The following ZXDC variants were observed in gnomAD, a reference collection of about 807,000 sequenced individuals.
ZXDC encodes the protein zinc finger protein ZXDC.
ZXDC carries 58 observed loss-of-function variants against 63.6 expected under a neutral mutation model. That is an observed-to-expected ratio of 0.91 (90% CI 0.74 to 1.13). ZXDC has a LOEUF of 1.13. Ranked by LOEUF, ZXDC falls within the 50% of genes most tolerant of loss-of-function variation. ZXDC has a pLI of 0.00. For missense variants in ZXDC, 1,133 were observed against 1,148.9 expected (o/e 0.99, Z 0.20); for synonymous variants, 561 against 496.1 (o/e 1.13, Z -1.74).
chr3:126,475,789 C>A lies in ZXDC; in HGVS notation c.77G>T (p.Arg26Leu). The A allele has an allele frequency of 1.8e-6, 2 of 1,108,970 alleles. No individual in the cohort carries two copies. 68.7% of individuals were successfully genotyped at this position (1,108,970 alleles called of 1,614,324 possible). The change falls in exon 1 of 10, where the codon CGA (arginine) becomes CTA (leucine). Residue 26 changes from arginine to leucine, a missense_variant. Transcript: ENST00000389709. ...QHGGGPGPLR[R>L]APAPLGASPA... Reference sequence around the variant, plus strand: ...GCTCGCGCCGAGCGGCGCTGGGGCTCGGCGGAGCGGGCCGGGGCCGCCGCC... The same window carrying A: ...GCTCGCGCCGAGCGGCGCTGGGGCTAGGCGGAGCGGGCCGGGGCCGCCGCC...
chr3:126,454,204 T>C (rs1233421536), intron 7 of ZXDC: 3 of 983,426 alleles, frequency 3.1e-6, no homozygotes, highest in African/African-American at 3.5e-5. Context: ...ATCTTTCATA[T>C]GCTTATTTTT....
rs116269523 is a variant in ZXDC, at chr3:126,446,137, G to A, written c.2213-4191C>T. 5.9e-3 allele frequency among the ~76,000 whole-genome samples: 904 copies of A among 152,224 alleles called. 8 individuals are homozygous for A. The highest frequency in any genetic ancestry group is 0.02 in the African/African-American group (834 of 41,522). ...CCTTATAGAACAAGGTAACAACACC[G>A]AACTACATTTTGCTTCAATATTTTC... On this transcript the variant is annotated intron_variant, in intron 7 of 9. Coordinates refer to ENST00000389709, the MANE Select transcript of ZXDC (RefSeq NM_025112.5).
intron 7 of ZXDC, chr3:126,454,701 C>A: frequency 1.0e-6 from 1 of 985,466 alleles, no homozygotes; most frequent in Non-Finnish European, 1.2e-6. Context: ...ATAAGCACCA[C>A]ACTTTCTTTC....
At chr3:126,466,401 G>T in intron 4 of ZXDC, 76 bp from the exon 5 acceptor site, 1 of 1,552,914 alleles carries the variant, frequency 6.4e-7, no homozygotes, top group Non-Finnish European at 8.8e-7. Flanking sequence ...TTCCCCATCA[G>T]ATCAGAACCA....
chr3:126,440,105 C>T (rs766757887), intron 8 of ZXDC: 13 of 1,035,158 alleles, frequency 1.3e-5, no homozygotes, highest in Non-Finnish European at 1.4e-5. Context: ...CCAGCAAATC[C>T]TCGGGCCCCA....
chr3:126,452,851 G>A (rs188340354), intron 7 of ZXDC: 15 of 261,934 alleles, frequency 5.7e-5, no homozygotes, highest in East Asian at 1.8e-4. Flanking sequence ...CGATTCTTCC[G>A]CCTCAGTCTC....
chr3:126,450,372 C>A (rs574042094), intron 7 of ZXDC: 1 of 456,708 alleles, frequency 2.2e-6, no homozygotes, highest in East Asian at 7.0e-5. Context: ...CTTTCCTCCC[C>A]GGCTTAGAGA....
chr3:126,457,337 T>C (rs1934347594), intron 7 of ZXDC: 1 of 985,278 alleles, frequency 1.0e-6, no homozygotes, highest in African/African-American at 1.7e-5. Flanking sequence ...TGTGCAGGAA[T>C]ATGTGTCTAA....
At chr3:126,461,254 G>A in intron 6 of ZXDC, 1 of 1,197,440 alleles carries the variant, frequency 8.4e-7, no homozygotes, top group South Asian at 2.9e-5. Context: ...AATCTTCAAG[G>A]AAAGGAGCAC....
In ZXDC at chr3:126,454,660, G is replaced by C. The variant is rs374684897; in HGVS notation, c.2212+4993C>G. The C allele has an allele frequency of 2.7e-5, 27 of 985,314 alleles. No homozygotes were observed. In the African/African-American group the frequency reaches 2.8e-4, roughly 10 times the overall value. The allele number at this position is 985,314 out of a possible 1,614,324, so 61.0% of individuals were successfully genotyped here. A position where few individuals can be genotyped will look rare whatever the true frequency, so the allele number is the denominator to read the frequency against. On this transcript the variant is annotated intron_variant, in intron 7 of 9. Coordinates refer to ENST00000389709, the MANE Select transcript of ZXDC (RefSeq NM_025112.5). The stretch of plus-strand genomic sequence containing the variant: ...TGACACAGGATACCCTTGGTTTTCT[G>C]TCACAATGTGTCTTGCTGCTGTCTC...
At chr3:126,465,917 C>A (rs1177018878) in intron 5 of ZXDC, among the ~76,000 whole-genome samples, 1 of 151,792 alleles carries the variant, frequency 6.6e-6, no homozygotes, top group Non-Finnish European at 1.5e-5. Context: ...CCACTGCACT[C>A]CAGTCAGGGT....
chr3:126,452,579 T>G (rs1934148433), intron 7 of ZXDC: 3 of 983,720 alleles, frequency 3.0e-6, no homozygotes, highest in South Asian at 4.7e-5. Context: ...ATTATTGAGA[T>G]AATGCAATTA....
chr3:126,448,978 C>A (rs1933990272), intron 7 of ZXDC, among the ~76,000 whole-genome samples: 1 of 152,176 alleles, frequency 6.6e-6, no homozygotes, highest in Non-Finnish European at 1.5e-5. Flanking sequence ...CGGGACGGGG[C>A]AGCACGCAGG....
intron 5 of ZXDC, among the ~76,000 whole-genome samples, chr3:126,464,421 G>T (rs1934671745): frequency 6.6e-6 from 1 of 152,130 alleles, no homozygotes. Flanking sequence ...CCCATTGAGG[G>T]CGTGACATAA....
At chr3:126,464,601 C>T (rs138848229) in intron 5 of ZXDC, among the ~76,000 whole-genome samples, 26 of 152,196 alleles carry the variant, frequency 1.7e-4, no homozygotes, top group African/African-American at 6.0e-4. Context: ...GGTCTCACAT[C>T]CCACTAGAGT....
chr3:126,462,014 C>G lies in ZXDC; in HGVS notation c.1648G>C (p.Gly550Arg). Residue 550 changes from glycine (G) to arginine (R), a missense_variant, in exon 6 of 10, where the codon GGA (glycine) becomes CGA (arginine). Transcript: ENST00000389709. Reference protein sequence around the residue: ...IDVTSVSSSLGGNLPANNSSL... With the variant: ...IDVTSVSSSLRGNLPANNSSL... ...CTATTATTAGCAGGGAGGTTCCCTC[C>G]CAGAGAGGAGCTCACAGAAGTGACG... 18 of 1,614,024 alleles carry G rather than the reference C, an allele frequency of 1.1e-5. No homozygotes were observed. Among genetic ancestry groups the G allele is most frequent in the Non-Finnish European group, 1.5e-5 (18 of 1,180,022 alleles).
intron 8 of ZXDC, chr3:126,440,789 T>C: frequency 1.0e-6 from 1 of 986,334 alleles, no homozygotes; most frequent in Non-Finnish European, 1.2e-6. Context: ...GCCCGCAGCC[T>C]CTTCCCTGCC....
chr3:126,471,461 A>C (rs532992968), intron 3 of ZXDC, among the ~76,000 whole-genome samples: 65 of 152,326 alleles, frequency 4.3e-4, no homozygotes, highest in Non-Finnish European at 7.6e-4. Flanking sequence ...TCTTTTCCTA[A>C]GTGACATTTT....
At chr3:126,443,906 A>G (rs1057278219) in intron 7 of ZXDC, among the ~76,000 whole-genome samples, 1 of 152,262 alleles carries the variant, frequency 6.6e-6, no homozygotes, top group Admixed American at 6.5e-5. Context: ...AAATTATATT[A>G]AAAATGCTTT....
Sources: gnomAD v4.1 joint callset for allele counts (sites outside exome capture counted in the v4.1 genomes callset) on GRCh38, gnomAD v4.1.1 for gene constraint, MANE v1.5 for transcripts, NCBI Gene and HGNC (gene_info 2026-07-23, HGNC 2026-07-21) for gene names.